The following SPAM1 variants were observed in gnomAD, a reference collection of about 807,000 sequenced individuals.
The protein encoded by SPAM1 is hyaluronidase PH-20.
SPAM1 carries 22 observed loss-of-function variants against 29.6 expected under a neutral mutation model. That is an observed-to-expected ratio of 0.74 (90% CI 0.53 to 1.06). SPAM1 has a LOEUF of 1.06. Ranked by LOEUF, SPAM1 falls within the 50% of genes least tolerant of loss-of-function variation. The probability of loss-of-function intolerance (pLI) is 0.00; values close to 1 mark genes in which losing one functional copy is unlikely to be tolerated. For synonymous variants in SPAM1, 194 were observed against 204.6 expected, an observed-to-expected ratio of 0.95 and a Z score of 0.44; for missense variants, 534 against 604.0, an observed-to-expected ratio of 0.88 and a Z score of 1.21.
At chr7:123,941,076 A>C (rs1808413171) in intron 1 of SPAM1, among the ~76,000 whole-genome samples, 1 of 152,332 alleles carries the variant, frequency 6.6e-6, no homozygotes, top group South Asian at 2.1e-4. Context: ...TAATTAAATA[A>C]AATTTTATTT....
intron 4 of SPAM1, among the ~76,000 whole-genome samples, chr7:123,958,269 A>G (rs1417055851): frequency 6.6e-6 from 1 of 151,954 alleles, no homozygotes; most frequent in Non-Finnish European, 1.5e-5. Context: ...ACCTCACTCA[A>G]TGGAACTGTT....
intron 5 of SPAM1, among the ~76,000 whole-genome samples, chr7:123,969,741 G>T (rs1792473190): frequency 6.8e-6 from 1 of 147,712 alleles, no homozygotes; most frequent in South Asian, 2.1e-4. Flanking sequence ...CTCCAGCTTT[G>T]TTCCTTTTGC....
At chr7:123,949,759 G>A (rs1490400432) in intron 1 of SPAM1, 113 bp from the exon 2 acceptor site, 1 of 151,992 alleles carries the variant, frequency 6.6e-6, no homozygotes, top group Non-Finnish European at 1.5e-5. Flanking sequence ...GTGTTCCAGT[G>A]ATAAAACGCC....
chr7:123,954,201 C>A lies in SPAM1; in HGVS notation c.631C>A (p.Arg211=), dbSNP rs377689190. ...VETIKLGKLL[R]PNHLWGYYLF... ...GACTATAAAATTGGGAAAATTACTT[C>A]GGCCAAATCACTTGTGGGGTTATTA... The change falls in exon 3 of 5, where the codon CGG becomes AGG. Residue 211 remains arginine, a synonymous_variant. Coordinates refer to ENST00000682466, the MANE Select transcript of SPAM1 (RefSeq NM_153189.3). 14 of 1,613,350 alleles carry A rather than the reference C, an allele frequency of 8.7e-6. No individual in the cohort carries two copies. Among genetic ancestry groups the A allele is most frequent in the East Asian group, 2.2e-5 (1 of 44,846 alleles).
chr7:123,962,787 T>C (rs541562260), downstream of SPAM1, among the ~76,000 whole-genome samples: 3 of 151,942 alleles, frequency 2.0e-5, no homozygotes, highest in Non-Finnish European at 2.9e-5. Flanking sequence ...TGGCAACTTC[T>C]GGTTTCAGTT....
At chr7:123,948,522 T>A (rs554403572) in intron 1 of SPAM1, among the ~76,000 whole-genome samples, 3 of 152,210 alleles carry the variant, frequency 2.0e-5, no homozygotes, top group African/African-American at 7.2e-5. Flanking sequence ...CCATTTTCAG[T>A]ATTGTAACAA....
intron 1 of SPAM1, among the ~76,000 whole-genome samples, chr7:123,934,983 TAGA>T (rs1291674691): frequency 1.3e-5 from 2 of 152,158 alleles, no homozygotes; most frequent in African/African-American, 2.4e-5. Context: ...TTCAAATAGC[TAGA>T]AGATTTTGAT....
chr7:123,938,326 A>T (rs1362804924), intron 1 of SPAM1, among the ~76,000 whole-genome samples: 2 of 152,308 alleles, frequency 1.3e-5, no homozygotes, highest in Middle Eastern at 3.4e-3. Context: ...GAAGATAAAT[A>T]ATAAGCCACT....
chr7:123,967,270 C>G (rs963482175), intron 5 of SPAM1, among the ~76,000 whole-genome samples: 2 of 152,026 alleles, frequency 1.3e-5, no homozygotes, highest in African/African-American at 4.8e-5. Context: ...GGAAATCAGT[C>G]AGCTTATATT....
chr7:123,959,564 GT>G lies in SPAM1; in HGVS notation c.1126del (p.Cys376ValfsTer13). On this transcript the variant is annotated frameshift_variant, in exon 5 of 5. Coordinates refer to ENST00000682466, the MANE Select transcript of SPAM1 (RefSeq NM_153189.3). LOFTEE classifies it low-confidence loss of function (END_TRUNC). ...IINVTLAAKM[C>X]SQVLCQEQGV... Reference sequence around the variant, plus strand: ...TCAACGTCACACTAGCAGCCAAAATGTGTAGCCAAGTGCTTTGCCAGGAGCA... The same window carrying G: ...TCAACGTCACACTAGCAGCCAAAATGGTAGCCAAGTGCTTTGCCAGGAGCA... 2 of 1,613,146 alleles carry G rather than the reference GT, an allele frequency of 1.2e-6. No homozygotes were observed. The highest frequency in any genetic ancestry group is 2.7e-5 in the African/African-American group (2 of 74,950).
intron 1 of SPAM1, 60 bp from the exon 2 acceptor site, chr7:123,949,812 T>A (rs1319526900): frequency 6.6e-6 from 1 of 151,984 alleles, no homozygotes; most frequent in Non-Finnish European, 1.5e-5. Flanking sequence ...TTAGATATAT[T>A]CAGAATTTTA....
downstream of SPAM1, among the ~76,000 whole-genome samples, chr7:123,963,178 A>C (rs972345052): frequency 6.6e-6 from 1 of 151,882 alleles, no homozygotes; most frequent in African/African-American, 2.4e-5. Flanking sequence ...ATTATCTTTC[A>C]AAAAATTTTG....
intron 1 of SPAM1, among the ~76,000 whole-genome samples, chr7:123,939,802 T>C (rs1402805028): frequency 6.6e-6 from 1 of 152,150 alleles, no homozygotes; most frequent in Non-Finnish European, 1.5e-5. Flanking sequence ...TATTTCAGAT[T>C]ACTCTTGGGG....
At chr7:123,930,386 A>G (rs1232585153) in intron 1 of SPAM1, among the ~76,000 whole-genome samples, 1 of 152,166 alleles carries the variant, frequency 6.6e-6, no homozygotes. Flanking sequence ...CAGGCTTAGA[A>G]TACATTTTTA....
chr7:123,937,396 T>C (rs1430871790), intron 1 of SPAM1, among the ~76,000 whole-genome samples: 1 of 151,906 alleles, frequency 6.6e-6, no homozygotes, highest in South Asian at 2.1e-4. Flanking sequence ...AGTCAGGAGA[T>C]CGAGACCATC....
intron 2 of SPAM1, among the ~76,000 whole-genome samples, chr7:123,952,924 AAAAG>A (rs1792148528): frequency 3.9e-5 from 6 of 151,960 alleles, no homozygotes; most frequent in Non-Finnish European, 5.9e-5. Flanking sequence ...AAAAGAGAAA[AAAAG>A]AAAGAAAGAG....
intron 1 of SPAM1, among the ~76,000 whole-genome samples, chr7:123,948,939 A>G (rs1808677127): frequency 6.6e-6 from 1 of 151,586 alleles, no homozygotes; most frequent in Non-Finnish European, 1.5e-5. Flanking sequence ...GTTGTGGAAA[A>G]GAAGAGCTGA....
intron 5 of SPAM1, among the ~76,000 whole-genome samples, chr7:123,967,432 T>G (rs1283903769): frequency 4.6e-5 from 7 of 152,070 alleles, no homozygotes; most frequent in Admixed American, 4.6e-4. Context: ...AGTAAATTAA[T>G]TTTGTGGTTA....
intron 1 of SPAM1, among the ~76,000 whole-genome samples, chr7:123,929,675 T>G (rs907551636): frequency 7.2e-5 from 11 of 152,134 alleles, no homozygotes; most frequent in African/African-American, 2.7e-4. Context: ...GACTTGCAGC[T>G]GATGGGGTCT....
Sources: gnomAD v4.1 joint callset for allele counts (sites outside exome capture counted in the v4.1 genomes callset) on GRCh38, gnomAD v4.1.1 for gene constraint, MANE v1.5 for transcripts, NCBI Gene and HGNC (gene_info 2026-07-23, HGNC 2026-07-21) for gene names.